ZFHX4: variants seen among roughly 807,000 people sequenced by gnomAD.
The protein encoded by ZFHX4 is zinc finger homeobox protein 4.
ZFHX4 carries 56 observed loss-of-function variants against 267.6 expected under a neutral mutation model. The observed-to-expected ratio is 0.21, with a 90% CI of 0.17 to 0.26. The LOEUF is 0.26. Ranked by LOEUF, ZFHX4 falls within the 10% of genes least tolerant of loss-of-function variation. ZFHX4 has a pLI of 1.00. For synonymous variants in ZFHX4, 1,778 were observed against 1,665.6 expected, an observed-to-expected ratio of 1.07 and a Z score of -1.64; for missense variants, 4,332 against 4,420.0, an observed-to-expected ratio of 0.98 and a Z score of 0.56.
chr8:76,852,411 A>G lies in ZFHX4; in HGVS notation c.5490A>G (p.Ala1830=), dbSNP rs1392173216. Residue 1830 remains alanine (A), a synonymous_variant, in exon 10 of 11, where the codon GCA becomes GCG. Coordinates refer to ENST00000651372, the MANE Select transcript of ZFHX4 (RefSeq NM_024721.5). ...CACAGCAGCAGCAGCAACAGCAGGC[A>G]AGCAAATTATTGAAACAAGAGCAAA... is the stretch of plus-strand genomic sequence containing the variant. The part of the protein sequence containing the change: ...PPPQQQQQQQ[A]SKLLKQEQSN... 6.4e-7 allele frequency: 1 copy of G among 1,556,200 alleles called. No homozygotes were observed.
Position 76,853,231 on chromosome 8 carries a change from G to T in ZFHX4, c.6310G>T (p.Ala2104Ser), listed in dbSNP as rs748293539. 6.4e-7 allele frequency: 1 copy of T among 1,573,774 alleles called. No individual in the cohort carries two copies. Among genetic ancestry groups the T allele is most frequent in the South Asian group, 1.2e-5 (1 of 86,246 alleles). ...QLALQLPQMD[A>S]LSADLTQLCQ... is the part of the protein sequence containing the mutation. Reference sequence around the variant, plus strand: ...TGCCCTGCAGCTGCCACAGATGGACGCACTCTCTGCAGACCTCACCCAACT... The same window carrying T: ...TGCCCTGCAGCTGCCACAGATGGACTCACTCTCTGCAGACCTCACCCAACT... The change falls in exon 10 of 11, where the codon GCA (alanine) becomes TCA (serine). Residue 2104 changes from alanine to serine, a missense_variant. Coordinates refer to ENST00000651372, the MANE Select transcript of ZFHX4 (RefSeq NM_024721.5).
intron 3 of ZFHX4, among the ~76,000 whole-genome samples, chr8:76,761,818 T>C (rs1403450767): frequency 1.3e-5 from 2 of 152,208 alleles, no homozygotes; most frequent in Non-Finnish European, 2.9e-5. Flanking sequence ...TCTGGCCTGA[T>C]GTTTAGGGCA....
At chr8:76,861,659 T>C (rs990158985) in intron 10 of ZFHX4, among the ~76,000 whole-genome samples, 5 of 152,036 alleles carry the variant, frequency 3.3e-5, no homozygotes, top group African/African-American at 1.2e-4. Context: ...GCTTTCTCGG[T>C]TGGGTAAAGA....
intron 6 of ZFHX4, among the ~76,000 whole-genome samples, chr8:76,844,031 G>T (rs941207353): frequency 6.6e-6 from 1 of 152,100 alleles, no homozygotes; most frequent in African/African-American, 2.4e-5. Context: ...TCTAAGGTTG[G>T]TATTAAGCCG....
Position 76,704,405 on chromosome 8 carries a change from C to T in ZFHX4, c.317C>T (p.Pro106Leu), listed in dbSNP as rs769544985. ...CACCACTGCCCTAATGCCCGCCTTCCTGTCCTGAAGGATGACAACGAGAGC... is the reference window on the plus strand; with the variant it reads ...CACCACTGCCCTAATGCCCGCCTTCTTGTCCTGAAGGATGACAACGAGAGC... ...MEHHCPNARL[P>L]VLKDDNESEI... Residue 106 changes from proline to leucine, a missense_variant, in exon 2 of 11, where the codon CCT (proline) becomes CTT (leucine). Physicochemically the swap from Pro to Leu is moderately conservative, Grantham distance 98. This residue lies in a region of ZFHX4 where 1,195 missense variants were observed against 1,173.6 expected (regional missense o/e 1.02). Coordinates refer to ENST00000651372, the MANE Select transcript of ZFHX4 (RefSeq NM_024721.5). The T allele has an allele frequency of 6.2e-7, 1 of 1,614,014 alleles. No homozygotes were observed. The highest frequency in any genetic ancestry group is 8.5e-7 in the Non-Finnish European group (1 of 1,179,890).
chr8:76,863,382 C>T lies in ZFHX4; in HGVS notation c.9668C>T (p.Ser3223Leu). The T allele has an allele frequency of 6.2e-7, 1 of 1,613,970 alleles. No individual in the cohort carries two copies. Among genetic ancestry groups the T allele is most frequent in the Non-Finnish European group, 8.5e-7 (1 of 1,179,866 alleles). The change falls in exon 11 of 11, where the codon TCA becomes TTA. Residue 3223 changes from serine (S) to leucine (L), a missense_variant. Physicochemically the swap from Ser to Leu is moderately radical, Grantham distance 145. Around this residue, in one of 7 missense-constraint regions of ZFHX4, gnomAD observed 1,648 missense variants for 1,625.0 expected, o/e 1.01. Transcript: ENST00000651372. Reference protein sequence around the residue: ...EKHPKKEEKISSALSVLGKVV... With the variant: ...EKHPKKEEKILSALSVLGKVV... ...CACCCCAAAAAAGAGGAAAAAATCTCATCTGCTCTTTCAGTGTTGGGCAAA... is the reference window on the plus strand; with the variant it reads ...CACCCCAAAAAAGAGGAAAAAATCTTATCTGCTCTTTCAGTGTTGGGCAAA...
At chr8:76,750,338 T>TA (rs1809580716) in intron 3 of ZFHX4, among the ~76,000 whole-genome samples, 1 of 152,144 alleles carries the variant, frequency 6.6e-6, no homozygotes, top group Admixed American at 6.6e-5. Context: ...AAAAAATTTG[T>TA]AAAAAATTTA....
intron 1 of ZFHX4, among the ~76,000 whole-genome samples, chr8:76,703,839 A>T (rs902892549): frequency 6.6e-6 from 1 of 152,210 alleles, no homozygotes; most frequent in African/African-American, 2.4e-5. Flanking sequence ...TTGGATGTCT[A>T]GGCATGCCTG....
In ZFHX4 at chr8:76,707,799, C is replaced by T. The variant is rs1808318499; in HGVS notation, c.2844C>T (p.Cys948=). The T allele has an allele frequency of 2.5e-6, 4 of 1,614,046 alleles. No individual in the cohort carries two copies. Among genetic ancestry groups the T allele is most frequent in the Middle Eastern group, 1.6e-4 (1 of 6,062 alleles). ...GAGATATCTACCAGTGCAAGCTCTG[C>T]AACTACAACACTCAGCTCAAAGCCA... The part of the protein sequence containing the change: ...VIGDIYQCKL[C]NYNTQLKANF... The change falls in exon 3 of 11, where the codon TGC becomes TGT. Residue 948 remains cysteine (C), a synonymous_variant. Coordinates refer to ENST00000651372, the MANE Select transcript of ZFHX4 (RefSeq NM_024721.5).
intron 4 of ZFHX4, among the ~76,000 whole-genome samples, chr8:76,794,023 G>C (rs765244858): frequency 6.6e-6 from 1 of 152,168 alleles, no homozygotes; most frequent in Admixed American, 6.5e-5. Flanking sequence ...TGACTCATAA[G>C]CCCAACAAGC....
chr8:76,830,967 A>G (rs942216216), intron 4 of ZFHX4, among the ~76,000 whole-genome samples: 3 of 152,222 alleles, frequency 2.0e-5, no homozygotes, highest in African/African-American at 4.8e-5. Context: ...AGATACATTG[A>G]AAATTTGACA....
In ZFHX4 at chr8:76,853,617, A is replaced by G. The variant is rs1812611122; in HGVS notation, c.6696A>G (p.Arg2232=). 2 of 1,613,796 alleles carry G rather than the reference A, an allele frequency of 1.2e-6. No individual in the cohort carries two copies. The highest frequency in any genetic ancestry group is 1.1e-5 in the South Asian group (1 of 91,074). ...TCAGTAAAAGGTCTTCTAGAACGAG[A>G]TTTACTGACTACCAGCTTAGGGTTC... ...ASFSKRSSRT[R]FTDYQLRVLQ... The change falls in exon 10 of 11, where the codon AGA becomes AGG. Residue 2232 remains arginine (R), a synonymous_variant. Transcript: ENST00000651372.
intron 4 of ZFHX4, among the ~76,000 whole-genome samples, chr8:76,816,067 A>G (rs1042255372): frequency 2.0e-5 from 3 of 152,126 alleles, no homozygotes; most frequent in Non-Finnish European, 2.9e-5. Flanking sequence ...CTTAAAACTC[A>G]CCTAGGTCCA....
chr8:76,825,351 G>A (rs942909675), intron 4 of ZFHX4, among the ~76,000 whole-genome samples: 9 of 152,342 alleles, frequency 5.9e-5, no homozygotes, highest in African/African-American at 2.2e-4. Flanking sequence ...AACTTGGAGA[G>A]TATCAAATAG....
chr8:76,706,919 A>G (rs1808291792), intron 2 of ZFHX4, among the ~76,000 whole-genome samples: 1 of 152,232 alleles, frequency 6.6e-6, no homozygotes, highest in Admixed American at 6.5e-5. Context: ...CTTTGTCTTC[A>G]TTCAGTAAGT....
chr8:76,790,990 T>G (rs1585948199), intron 4 of ZFHX4, among the ~76,000 whole-genome samples: 1 of 152,150 alleles, frequency 6.6e-6, no homozygotes, highest in East Asian at 1.9e-4. Context: ...GTTTTCTTCT[T>G]GGTAGATTGT....
At chr8:76,700,682 T>C (rs1808079637) in intron 1 of ZFHX4, among the ~76,000 whole-genome samples, 1 of 152,188 alleles carries the variant, frequency 6.6e-6, no homozygotes, top group South Asian at 2.1e-4. Flanking sequence ...ATGATCAAAG[T>C]CACTGATCTT....
intron 3 of ZFHX4, among the ~76,000 whole-genome samples, chr8:76,744,340 C>T (rs1809400613): frequency 6.6e-6 from 1 of 151,948 alleles, no homozygotes; most frequent in African/African-American, 2.4e-5. Flanking sequence ...AGCGAGACTC[C>T]ACCTAAAAAA....
chr8:76,775,912 T>A (rs1810389512), intron 3 of ZFHX4, among the ~76,000 whole-genome samples: 2 of 150,802 alleles, frequency 1.3e-5, no homozygotes, highest in South Asian at 2.1e-4. Flanking sequence ...TTTTTTTTTT[T>A]AATGTGAAAG....
Sources: allele counts gnomAD v4.1 joint callset (sites outside exome capture counted in the v4.1 genomes callset), GRCh38; gene constraint gnomAD v4.1.1; regional missense constraint gnomAD v4.1.1; transcripts MANE v1.5; gene names NCBI Gene and HGNC (gene_info 2026-07-23, HGNC 2026-07-21).